The following CDKAL1 variants were observed in gnomAD, a reference collection of about 807,000 sequenced individuals.
The protein encoded by CDKAL1 is threonylcarbamoyladenosine tRNA methylthiotransferase.
Under a neutral mutation model 68.2 loss-of-function variants are expected in CDKAL1, and 32 were observed. The ratio of observed to expected loss-of-function variants is 0.47; its 90% CI spans 0.35 to 0.63. The LOEUF (loss-of-function observed/expected upper bound fraction) is 0.63. CDKAL1 is among the 30% of genes least tolerant of loss of function. The pLI, the probability that CDKAL1 is intolerant of heterozygous loss-of-function variation, is 0.00. For synonymous variants in CDKAL1, 234 were observed against 244.3 expected (o/e 0.96, Z 0.39); for missense variants, 606 against 696.7 (o/e 0.87, Z 1.47).
intron 5 of CDKAL1, among the ~76,000 whole-genome samples, chr6:20,697,414 A>G (rs1001076223): frequency 1.3e-5 from 2 of 152,198 alleles, no homozygotes; most frequent in South Asian, 4.1e-4. Context: ...TGTGATAATA[A>G]TGTGATAATT....
At chr6:20,842,570 G>A (rs755856345) in intron 8 of CDKAL1, among the ~76,000 whole-genome samples, 7 of 152,202 alleles carry the variant, frequency 4.6e-5, no homozygotes, top group South Asian at 2.1e-4. Context: ...GGTGGCTCAC[G>A]CCTGTAATCC....
At chr6:20,909,387 T>C (rs1762369103) in intron 9 of CDKAL1, among the ~76,000 whole-genome samples, 1 of 152,172 alleles carries the variant, frequency 6.6e-6, no homozygotes, top group Admixed American at 6.5e-5. Flanking sequence ...CAGATCAGCA[T>C]CTTTTCGAAT....
At chr6:20,785,300 T>C (rs1262723190) in intron 8 of CDKAL1, among the ~76,000 whole-genome samples, 3 of 146,884 alleles carry the variant, frequency 2.0e-5, no homozygotes, top group Non-Finnish European at 4.4e-5. Flanking sequence ...ACATATTAGC[T>C]TGGATTTCTT....
intron 4 of CDKAL1, among the ~76,000 whole-genome samples, chr6:20,644,630 A>G (rs1021322747): frequency 2.0e-5 from 3 of 152,198 alleles, no homozygotes; most frequent in Admixed American, 6.5e-5. Flanking sequence ...CAGTGAGCCG[A>G]GATCTCTAGC....
chr6:20,884,169 A>G (rs1321132266), intron 9 of CDKAL1, among the ~76,000 whole-genome samples: 1 of 152,228 alleles, frequency 6.6e-6, no homozygotes, highest in East Asian at 1.9e-4. Flanking sequence ...CATAACAAAA[A>G]TCAATCAATA....
chr6:20,781,073 T>G, intron 7 of CDKAL1, 72 bp from the exon 8 acceptor site: 7 of 1,443,806 alleles, frequency 4.8e-6, no homozygotes, highest in Non-Finnish European at 5.7e-6. Flanking sequence ...AATGAACACA[T>G]TTGTTGAAAG....
chr6:20,963,947 C>T (rs968376935), intron 10 of CDKAL1, among the ~76,000 whole-genome samples: 42 of 152,098 alleles, frequency 2.8e-4, no homozygotes, highest in African/African-American at 9.4e-4. Flanking sequence ...ACTTCCCAAA[C>T]TTAGATAAAT....
intron 10 of CDKAL1, among the ~76,000 whole-genome samples, chr6:20,975,901 TTCATTAAG>T (rs1230290766): frequency 2.6e-5 from 4 of 152,248 alleles, no homozygotes; most frequent in African/African-American, 7.2e-5. Context: ...GCCCATTGTT[TTCATTAAG>T]GTTCACCTTT....
At chr6:20,758,267 A>G (rs1774313408) in intron 6 of CDKAL1, among the ~76,000 whole-genome samples, 1 of 152,116 alleles carries the variant, frequency 6.6e-6, no homozygotes, top group Admixed American at 6.5e-5. Flanking sequence ...TCTGTGTGAG[A>G]AGACATGTGT....
At chr6:20,818,490 T>C (rs1185780574) in intron 8 of CDKAL1, among the ~76,000 whole-genome samples, 3 of 152,068 alleles carry the variant, frequency 2.0e-5, no homozygotes, top group Admixed American at 6.6e-5. Context: ...TCTCCTATAA[T>C]TGAAATCAAT....
intron 14 of CDKAL1, 34 bp from the exon 15 acceptor site, chr6:21,201,076 T>G (rs9767186): frequency 2.0e-5 from 32 of 1,567,826 alleles, no homozygotes; most frequent in Non-Finnish European, 2.7e-5. Flanking sequence ...TGTTTATTTT[T>G]AAAAATTAAG....
chr6:20,894,251 G>A (rs1761558286), intron 9 of CDKAL1, among the ~76,000 whole-genome samples: 1 of 152,008 alleles, frequency 6.6e-6, no homozygotes, highest in Non-Finnish European at 1.5e-5. Flanking sequence ...GTCAGATATT[G>A]TTTTATAAAA....
chr6:20,811,385 C>G (rs1776809596), intron 8 of CDKAL1, among the ~76,000 whole-genome samples: 1 of 152,222 alleles, frequency 6.6e-6, no homozygotes, highest in Non-Finnish European at 1.5e-5. Context: ...AAGTCTGACT[C>G]AGCCCTGGCG....
chr6:20,986,595 A>T (rs1766468495), intron 10 of CDKAL1, among the ~76,000 whole-genome samples: 1 of 152,040 alleles, frequency 6.6e-6, no homozygotes. Context: ...CCTCAAATGT[A>T]CAATTCTCTC....
chr6:20,666,906 T>C (rs1156942930), intron 5 of CDKAL1, among the ~76,000 whole-genome samples: 4 of 152,154 alleles, frequency 2.6e-5, no homozygotes, highest in African/African-American at 9.7e-5. Flanking sequence ...GCCTCATCTT[T>C]CCATTTCAGG....
chr6:20,861,589 T>G (rs1344149831), intron 9 of CDKAL1, among the ~76,000 whole-genome samples: 1 of 152,244 alleles, frequency 6.6e-6, no homozygotes, highest in African/African-American at 2.4e-5. Flanking sequence ...GAAAAATCCT[T>G]GGTAGACTAT....
At chr6:21,204,987 T>C (rs1477491099) in intron 15 of CDKAL1, among the ~76,000 whole-genome samples, 1 of 152,200 alleles carries the variant, frequency 6.6e-6, no homozygotes, top group Non-Finnish European at 1.5e-5. Context: ...CTAATCTACT[T>C]TCCGCCTCTA....
chr6:20,681,561 G>A (rs1172636826), intron 5 of CDKAL1, among the ~76,000 whole-genome samples: 1 of 152,104 alleles, frequency 6.6e-6, no homozygotes, highest in African/African-American at 2.4e-5. Context: ...TCAGCCTGCA[G>A]CCCAGCCTTG....
intron 4 of CDKAL1, among the ~76,000 whole-genome samples, chr6:20,562,429 C>G (rs907993287): frequency 1.3e-5 from 2 of 152,014 alleles, no homozygotes; most frequent in Non-Finnish European, 2.9e-5. Context: ...AAAAGGAGAG[C>G]CTGGGGATGA....
Sources: allele counts gnomAD v4.1 joint callset (sites outside exome capture counted in the v4.1 genomes callset), GRCh38; gene constraint gnomAD v4.1.1; transcripts MANE v1.5; gene names NCBI Gene and HGNC (gene_info 2026-07-23, HGNC 2026-07-21).